Variants in TYW1B observed in about 807,000 individuals in gnomAD.
TYW1B encodes the protein tRNA-yW synthesizing protein 1 homolog B.
TYW1B carries 73 observed loss-of-function variants against 86.9 expected under a neutral mutation model. That is an observed-to-expected ratio of 0.84 (90% confidence interval 0.70 to 1.02). The LOEUF is 1.02. Among genes scored for constraint, TYW1B ranks in the 50% least tolerant of loss-of-function variants. The pLI is 0.00. For missense variants in TYW1B, 637 were observed against 827.4 expected, an observed-to-expected ratio of 0.77 and a Z score of 2.82; for synonymous variants, 248 against 292.8, an observed-to-expected ratio of 0.85 and a Z score of 1.56.
At chr7:72,683,132 C>G (rs1554448689) in intron 11 of TYW1B, among the ~76,000 whole-genome samples, 1 of 152,120 alleles carries the variant, frequency 6.6e-6, no homozygotes. Flanking sequence ...AGAGAAATAC[C>G]CAACTCCAGC....
At chr7:72,739,763 A>G (rs1585944758) in intron 8 of TYW1B, among the ~76,000 whole-genome samples, 1 of 144,166 alleles carries the variant, frequency 6.9e-6, no homozygotes, top group Non-Finnish European at 1.5e-5. Flanking sequence ...GGTGAACTGG[A>G]GCACTGAAAA....
chr7:72,779,432 C>T (rs1440287936), intron 6 of TYW1B, among the ~76,000 whole-genome samples: 10 of 152,296 alleles, frequency 6.6e-5, no homozygotes, highest in Admixed American at 5.9e-4. Flanking sequence ...AATTTTAACA[C>T]GTGGCCGGGC....
chr7:72,734,114 C>T (rs148301023), intron 8 of TYW1B, among the ~76,000 whole-genome samples: 1 of 152,036 alleles, frequency 6.6e-6, no homozygotes, highest in East Asian at 1.9e-4. Context: ...AAAAATTGGC[C>T]AGGAGTGGTG....
chr7:72,718,086 A>G (rs1341704123), intron 9 of TYW1B, among the ~76,000 whole-genome samples: 3 of 152,220 alleles, frequency 2.0e-5, no homozygotes, highest in African/African-American at 7.2e-5. Context: ...GTGTCCATCA[A>G]TGGTTGACTG....
chr7:72,615,211 G>A (rs1337481541), intron 13 of TYW1B, among the ~76,000 whole-genome samples: 1 of 152,146 alleles, frequency 6.6e-6, no homozygotes, highest in Non-Finnish European at 1.5e-5. Context: ...TATCCTCATG[G>A]GAAAAGAGAA....
intron 7 of TYW1B, among the ~76,000 whole-genome samples, chr7:72,764,277 G>T (rs543529524): frequency 1.3e-5 from 2 of 152,068 alleles, no homozygotes; most frequent in Non-Finnish European, 2.9e-5. Flanking sequence ...TTATGAAAAT[G>T]ACTTCAACAA....
chr7:72,578,638 A>T (rs1811079487), intron 13 of TYW1B, among the ~76,000 whole-genome samples: 1 of 152,192 alleles, frequency 6.6e-6, no homozygotes, highest in Non-Finnish European at 1.5e-5. Context: ...TGACAGTCAA[A>T]TGAGGCCAAA....
intron 13 of TYW1B, among the ~76,000 whole-genome samples, chr7:72,614,351 G>C (rs1174375642): frequency 6.6e-6 from 1 of 152,180 alleles, no homozygotes; most frequent in African/African-American, 2.4e-5. Context: ...ACAGAGGTCA[G>C]ACTGGGCATG....
intron 11 of TYW1B, among the ~76,000 whole-genome samples, chr7:72,629,308 A>C: frequency 6.6e-6 from 1 of 152,256 alleles, no homozygotes; most frequent in East Asian, 1.9e-4. Context: ...AAGGAATGAT[A>C]AACTGACCAA....
intron 13 of TYW1B, among the ~76,000 whole-genome samples, chr7:72,611,814 G>A (rs1319209255): frequency 2.0e-5 from 3 of 152,006 alleles, no homozygotes; most frequent in Non-Finnish European, 4.4e-5. Context: ...CTTTGTCCTG[G>A]CGCACACTTG....
chr7:72,645,969 T>C (rs797032673), intron 11 of TYW1B, among the ~76,000 whole-genome samples: 2 of 147,856 alleles, frequency 1.4e-5, no homozygotes, highest in Non-Finnish European at 3.0e-5. Flanking sequence ...AATTATATAT[T>C]ATATATATTA....
At chr7:72,632,085 C>T (rs1433771719) in intron 11 of TYW1B, among the ~76,000 whole-genome samples, 2 of 150,812 alleles carry the variant, frequency 1.3e-5, no homozygotes, top group Non-Finnish European at 2.9e-5. Context: ...TTACTTGAGG[C>T]CAAGAATTCG....
intron 13 of TYW1B, among the ~76,000 whole-genome samples, chr7:72,578,691 T>C (rs1255031561): frequency 6.6e-6 from 1 of 152,192 alleles, no homozygotes; most frequent in Non-Finnish European, 1.5e-5. Context: ...GGGCCAACTA[T>C]GGACTTGGCC....
intron 11 of TYW1B, among the ~76,000 whole-genome samples, chr7:72,652,665 C>A (rs1266970847): frequency 2.6e-5 from 4 of 151,982 alleles, no homozygotes; most frequent in Non-Finnish European, 5.9e-5. Context: ...TTTTATACAC[C>A]TTAGTGATAT....
chr7:72,699,278 G>T (rs1814399246), intron 10 of TYW1B, among the ~76,000 whole-genome samples: 1 of 152,188 alleles, frequency 6.6e-6, no homozygotes, highest in Admixed American at 6.6e-5. Context: ...CAGGATAAAG[G>T]AATCACAAAC....
chr7:72,596,501 A>G lies in TYW1B; in HGVS notation c.1785+20171T>C, dbSNP rs572021515. On this transcript the variant is annotated intron_variant, in intron 13 of 13. Coordinates refer to ENST00000620995, the MANE Select transcript of TYW1B (RefSeq NM_001145440.3). ...AAACCCTAACAAATATAGTCAAATT[A>G]TCTTTGACAAGGGTGCCAAGACTAC... Among the ~76,000 whole-genome samples, 5 of 152,330 alleles carry G rather than the reference A, an allele frequency of 3.3e-5. No homozygotes were observed. In the South Asian group the frequency reaches 1.0e-3, roughly 32 times the overall value.
intron 11 of TYW1B, among the ~76,000 whole-genome samples, chr7:72,687,729 G>A (rs1814043792): frequency 6.6e-6 from 1 of 151,970 alleles, no homozygotes; most frequent in Non-Finnish European, 1.5e-5. Context: ...ATAAAAGTTG[G>A]CATAATTGTT....
chr7:72,731,670 G>A (rs1408948155), intron 8 of TYW1B, among the ~76,000 whole-genome samples: 1 of 152,204 alleles, frequency 6.6e-6, no homozygotes, highest in Non-Finnish European at 1.5e-5. Flanking sequence ...GCAGCTGGGT[G>A]TGGTGGCTCA....
intron 9 of TYW1B, among the ~76,000 whole-genome samples, chr7:72,726,775 C>T (rs1787005591): frequency 6.6e-6 from 1 of 152,100 alleles, no homozygotes; most frequent in South Asian, 2.1e-4. Flanking sequence ...TTTCATACTG[C>T]TATAAAGAAC....
Sources: gnomAD v4.1 joint callset for allele counts (sites outside exome capture counted in the v4.1 genomes callset) on GRCh38, gnomAD v4.1.1 for gene constraint, MANE v1.5 for transcripts, NCBI Gene and HGNC (gene_info 2026-07-23, HGNC 2026-07-21) for gene names.